PTPRK: variants seen among roughly 807,000 people sequenced by gnomAD.
PTPRK encodes the protein protein tyrosine phosphatase receptor type K, also known as receptor-type tyrosine-protein phosphatase kappa.
A neutral mutation model predicts 178.0 loss-of-function variants in PTPRK; 75 were observed. That is an observed-to-expected ratio of 0.42 (90% CI 0.35 to 0.51). The LOEUF is 0.51. PTPRK is among the 20% of genes least tolerant of loss of function. The pLI, the probability that PTPRK is intolerant of heterozygous loss-of-function variation, is 0.02. For missense variants in PTPRK, 1,441 were observed against 1,797.8 expected (o/e 0.80, Z 3.59); for synonymous variants, 637 against 620.6 (o/e 1.03, Z -0.39).
At chr6:128,379,081 A>G (rs1482359581) in intron 2 of PTPRK, among the ~76,000 whole-genome samples, 2 of 152,072 alleles carry the variant, frequency 1.3e-5, no homozygotes, top group African/African-American at 4.8e-5. Flanking sequence ...CATCTTCCTG[A>G]TATCTTTCTA....
intron 13 of PTPRK, among the ~76,000 whole-genome samples, chr6:128,055,556 G>A (rs988553752): frequency 6.6e-6 from 1 of 151,754 alleles, no homozygotes; most frequent in African/African-American, 2.4e-5. Context: ...TATTCGCCAT[G>A]ATTATTGCCT....
chr6:128,342,682 C>G (rs1287166720), intron 2 of PTPRK, among the ~76,000 whole-genome samples: 1 of 151,872 alleles, frequency 6.6e-6, no homozygotes, highest in Non-Finnish European at 1.5e-5. Context: ...TAAATTGATT[C>G]TCAGTTTTAA....
At chr6:127,991,064 G>A (rs1052372850) in intron 20 of PTPRK, among the ~76,000 whole-genome samples, 179 bp from the exon 21 acceptor site, 2 of 151,832 alleles carry the variant, frequency 1.3e-5, no homozygotes, top group African/African-American at 2.4e-5. Context: ...AAATATACAA[G>A]CCTGATAATG....
intron 1 of PTPRK, among the ~76,000 whole-genome samples, chr6:128,486,720 G>A (rs1029381840): frequency 2.0e-5 from 3 of 152,024 alleles, no homozygotes; most frequent in Admixed American, 1.3e-4. Flanking sequence ...GGAGGTGGCA[G>A]TGAGCTGAGA....
At chr6:128,187,413 T>G (rs766341420) in intron 6 of PTPRK, among the ~76,000 whole-genome samples, 6 of 152,190 alleles carry the variant, frequency 3.9e-5, no homozygotes, top group Non-Finnish European at 7.4e-5. Flanking sequence ...TTAATAGCTG[T>G]GTAATCTTAA....
intron 2 of PTPRK, among the ~76,000 whole-genome samples, chr6:128,359,217 G>A (rs1472860533): frequency 1.3e-5 from 2 of 151,736 alleles, no homozygotes; most frequent in African/African-American, 4.8e-5. Context: ...TTGGGATGCC[G>A]AGGTGGGTGG....
At chr6:128,051,197 C>T (rs1778947084) in intron 13 of PTPRK, among the ~76,000 whole-genome samples, 1 of 152,110 alleles carries the variant, frequency 6.6e-6, no homozygotes, top group South Asian at 2.1e-4. Context: ...TGTATTCTTT[C>T]TTATATATAT....
At chr6:128,357,484 T>C (rs920477613) in intron 2 of PTPRK, among the ~76,000 whole-genome samples, 4 of 152,082 alleles carry the variant, frequency 2.6e-5, no homozygotes, top group Non-Finnish European at 4.4e-5. Context: ...GAGAGAGATA[T>C]GGGGAGGAGA....
chr6:128,507,204 A>G (rs1856498149), intron 1 of PTPRK, among the ~76,000 whole-genome samples: 1 of 152,200 alleles, frequency 6.6e-6, no homozygotes, highest in African/African-American at 2.4e-5. Flanking sequence ...TCTTTTGCTT[A>G]AACACAAAAT....
intron 1 of PTPRK, among the ~76,000 whole-genome samples, chr6:128,456,823 A>G (rs9491953): frequency 4.1e-4 from 63 of 152,258 alleles, no homozygotes; most frequent in African/African-American, 1.5e-3. Context: ...TTACAGATAG[A>G]AAGAGAGAAG....
intron 2 of PTPRK, among the ~76,000 whole-genome samples, chr6:128,343,229 G>A (rs763512170): frequency 9.2e-5 from 14 of 152,154 alleles, no homozygotes; most frequent in East Asian, 1.9e-4. Flanking sequence ...TCAGCCGGGC[G>A]CAGTGGCTCA....
At chr6:128,260,148 T>A (rs1382534671) in intron 3 of PTPRK, among the ~76,000 whole-genome samples, 1 of 152,176 alleles carries the variant, frequency 6.6e-6, no homozygotes, top group Non-Finnish European at 1.5e-5. Flanking sequence ...ATTCTCTGGA[T>A]TACACTTCTG....
chr6:128,243,976 T>G (rs895224732), intron 3 of PTPRK, among the ~76,000 whole-genome samples: 3 of 151,904 alleles, frequency 2.0e-5, no homozygotes, highest in African/African-American at 7.3e-5. Flanking sequence ...AATGGTGAGA[T>G]GAGAAGAAAA....
intron 7 of PTPRK, among the ~76,000 whole-genome samples, chr6:128,148,818 C>T (rs1044394655): frequency 3.9e-5 from 6 of 151,948 alleles, no homozygotes; most frequent in Non-Finnish European, 8.8e-5. Flanking sequence ...ATATGTCCAG[C>T]TACAATGATT....
chr6:128,267,528 G>A (rs1819152503), intron 3 of PTPRK, among the ~76,000 whole-genome samples: 1 of 152,060 alleles, frequency 6.6e-6, no homozygotes, highest in Admixed American at 6.6e-5. Flanking sequence ...TGATCCTAAA[G>A]CCAATGCTCT....
chr6:128,265,694 G>A (rs1818836041), intron 3 of PTPRK, among the ~76,000 whole-genome samples: 1 of 152,106 alleles, frequency 6.6e-6, no homozygotes, highest in African/African-American at 2.4e-5. Flanking sequence ...ACTAAGAATT[G>A]AAATTTGAAA....
At chr6:128,034,196 T>C (rs1478482827) in intron 13 of PTPRK, among the ~76,000 whole-genome samples, 1 of 152,196 alleles carries the variant, frequency 6.6e-6, no homozygotes, top group Non-Finnish European at 1.5e-5. Context: ...GAAACATCTA[T>C]GTGCACAGTT....
At chr6:128,434,024 G>T (rs1845196963) in intron 1 of PTPRK, among the ~76,000 whole-genome samples, 1 of 151,378 alleles carries the variant, frequency 6.6e-6, no homozygotes, top group Non-Finnish European at 1.5e-5. Flanking sequence ...TACGAGATAA[G>T]ATAATTTATC....
At chr6:128,303,901 T>C (rs1455616114) in intron 3 of PTPRK, among the ~76,000 whole-genome samples, 3 of 152,210 alleles carry the variant, frequency 2.0e-5, no homozygotes, top group Admixed American at 2.0e-4. Context: ...ATTTGAAGTC[T>C]AGATACCTGT....
Sources: gnomAD v4.1 joint callset for allele counts (sites outside exome capture counted in the v4.1 genomes callset) on GRCh38, gnomAD v4.1.1 for gene constraint, MANE v1.5 for transcripts, NCBI Gene and HGNC (gene_info 2026-07-23, HGNC 2026-07-21) for gene names.